Variants in KIF19 observed in about 807,000 individuals in gnomAD.
KIF19 encodes the protein kinesin-like protein KIF19.
A neutral mutation model predicts 106.6 loss-of-function variants in KIF19; 98 were observed. The ratio of observed to expected loss-of-function variants is 0.92; its 90% confidence interval spans 0.78 to 1.09. KIF19 has a LOEUF of 1.09. KIF19 is among the 50% of genes least tolerant of loss of function. The probability of loss-of-function intolerance (pLI) is 0.00; values close to 1 mark genes in which losing one functional copy is unlikely to be tolerated. For synonymous variants in KIF19, 516 were observed against 584.2 expected (o/e 0.88, Z 1.68); for missense variants, 1,373 against 1,414.3 (o/e 0.97, Z 0.47).
At position 74,353,019 on chromosome 17, in the gene KIF19, C is replaced by A. The variant is rs548306198; in HGVS notation, c.2114+65C>A. On this transcript the variant is annotated intron_variant, in intron 15 of 19. Transcript: ENST00000389916. Reference sequence around the variant, plus strand: ...CCTGTCCCAGAGAGGCCAACCCAGACTAAGGCTAAATGGGGAACACAGAGC... The same window carrying A: ...CCTGTCCCAGAGAGGCCAACCCAGAATAAGGCTAAATGGGGAACACAGAGC... 6.8e-4 allele frequency: 1,083 copies of A among 1,588,856 alleles called. 5 individuals carry two copies. Among genetic ancestry groups the A allele is most frequent in the Middle Eastern group, 2.2e-3 (13 of 6,016 alleles).
chr17:74,344,636 A>G, intron 6 of KIF19, 125 bp from the exon 7 acceptor site: 1 of 1,053,658 alleles, frequency 9.5e-7, no homozygotes. Context: ...AGCCCAGCCC[A>G]CTCCAGCCTG....
chr17:74,349,328 G>C lies in KIF19; in HGVS notation c.1192G>C (p.Gly398Arg). ...RGQARGRQDR[G>R]DIRHIQAEVQ... ...CCAGGCCCGGGGCCGGCAGGATCGG[G>C]GTGACATCCGCCACATCCAAGGTGC... Residue 398 changes from glycine to arginine, a missense_variant, in exon 10 of 20, where the codon GGT (glycine) becomes CGT (arginine). Physicochemically the swap from Gly to Arg is moderately radical, Grantham distance 125 (BLOSUM62 -2). This residue lies in a region of KIF19 where 1,020 missense variants were observed against 1,008.2 expected (regional missense o/e 1.01). Transcript: ENST00000389916. 7.5e-6 allele frequency: 12 copies of C among 1,604,612 alleles called. No homozygotes were observed. The highest frequency in any genetic ancestry group is 9.4e-6 in the Non-Finnish European group (11 of 1,175,840).
chr17:74,342,453 G>A (rs931899297), intron 3 of KIF19, among the ~76,000 whole-genome samples, 177 bp from the exon 4 acceptor site: 7 of 152,198 alleles, frequency 4.6e-5, no homozygotes, highest in Admixed American at 2.0e-4. Context: ...TCAGCCTGAC[G>A]TCCCCCACTG....
intron 7 of KIF19, among the ~76,000 whole-genome samples, chr17:74,345,213 T>C (rs1352645771): frequency 6.9e-6 from 1 of 145,382 alleles, no homozygotes; most frequent in Non-Finnish European, 1.5e-5. Context: ...TTGGGGGGAA[T>C]GGGGTAGGGC....
intron 6 of KIF19, 122 bp downstream of exon 6, chr17:74,344,470 G>A (rs889602838): frequency 6.9e-7 from 1 of 1,438,902 alleles, no homozygotes; most frequent in Non-Finnish European, 9.3e-7. Context: ...ACAGACAGGA[G>A]AATCCTGAGT....
Position 74,351,897 on chromosome 17 carries a change from C to T in KIF19, c.1618C>T (p.Arg540Cys). The T allele has an allele frequency of 5.0e-6, 7 of 1,412,172 alleles. No individual in the cohort carries two copies. In the South Asian group the frequency reaches 9.0e-5, roughly 18 times the overall value. 87.5% of individuals were successfully genotyped at this position (1,412,172 alleles called of 1,614,324 possible). A position where few individuals can be genotyped will look rare whatever the true frequency, so the allele number is the denominator to read the frequency against. ...LALEQRCRELRARGRRLEETL... is the reference protein window; with the variant it reads ...LALEQRCRELCARGRRLEETL... ...GCTGGAGCAGCGCTGCCGGGAGCTG[C>T]GCGCGCGGGGCCGGCGCCTGGAGGA... Residue 540 changes from arginine to cysteine, a missense_variant, in exon 13 of 20, where the codon CGC becomes TGC. By Grantham distance (180) the Arg-to-Cys change is radical. Around this residue, in one of 3 missense-constraint regions of KIF19, gnomAD observed 1,020 missense variants for 1,008.2 expected, o/e 1.01. Transcript: ENST00000389916.
rs1053473766 is a variant in KIF19, at chr17:74,349,314, G to A, written c.1178G>A (p.Gly393Asp). The A allele has an allele frequency of 5.0e-6, 8 of 1,609,254 alleles. No homozygotes were observed. The highest frequency in any genetic ancestry group is 4.4e-5 in the South Asian group (4 of 90,530). The change falls in exon 10 of 20, where the codon GGC becomes GAC. Residue 393 changes from glycine to aspartate, a missense_variant. Gly to Asp is a moderately conservative substitution (Grantham distance 94). Around this residue, in one of 3 missense-constraint regions of KIF19, gnomAD observed 1,020 missense variants for 1,008.2 expected, o/e 1.01. Coordinates refer to ENST00000389916, the MANE Select transcript of KIF19 (RefSeq NM_153209.4). ...DEQTGRGQAR[G>D]RQDRGDIRHI... is the part of the protein sequence containing the mutation. ...CAGACTGGGCGGGGCCAGGCCCGGG[G>A]CCGGCAGGATCGGGGTGACATCCGC...
chr17:74,349,435 A>T, intron 10 of KIF19, 86 bp downstream of exon 10: 1 of 1,371,104 alleles, frequency 7.3e-7, no homozygotes, highest in Non-Finnish European at 9.7e-7. Flanking sequence ...GTTCAAATCC[A>T]GAATCGGGCT....
rs2054772296 is a variant in KIF19 at position 74,353,290 on chromosome 17, G to C, written c.2209G>C (p.Val737Leu). 6.4e-7 allele frequency: 1 copy of C among 1,571,504 alleles called. No homozygotes were observed. Among genetic ancestry groups the C allele is most frequent in the Non-Finnish European group, 8.6e-7 (1 of 1,159,060 alleles). Residue 737 changes from valine to leucine, a missense_variant, in exon 16 of 20, where the codon GTG (valine) becomes CTG (leucine). Around this residue, in one of 3 missense-constraint regions of KIF19, gnomAD observed 1,020 missense variants for 1,008.2 expected, o/e 1.01. Transcript: ENST00000389916. The stretch of plus-strand genomic sequence containing the variant: ...ACCTCCCATCCAGCTCGGCAGCCTG[G>C]TGACGCAGGAGGTGAGCTCTCAGTA... Reference protein sequence around the residue: ...TPPPIQLGSLVTQEAPAQDSL... With the variant: ...TPPPIQLGSLLTQEAPAQDSL...
At position 74,326,389 on chromosome 17, in the gene KIF19, G is replaced by A. The variant is rs771347824; in HGVS notation, c.39+1G>A. 1 of 1,612,838 alleles carries A rather than the reference G, an allele frequency of 6.2e-7. No individual in the cohort carries two copies. Among genetic ancestry groups the A allele is most frequent in the Non-Finnish European group, 8.5e-7 (1 of 1,179,490 alleles). ...GGACTCCAAGGACCAGCAACTCATG[G>A]TGAGACCCTTTTAGACCCTCCTCCC... On this transcript the variant is annotated splice_donor_variant, in intron 1 of 19. Coordinates refer to ENST00000389916, the MANE Select transcript of KIF19 (RefSeq NM_153209.4). LOFTEE classifies it high-confidence loss of function.
chr17:74,350,804 G>T lies in KIF19; in HGVS notation c.1486G>T (p.Gly496Cys), dbSNP rs780265415. 6.2e-7 allele frequency: 1 copy of T among 1,614,056 alleles called. No individual in the cohort carries two copies. The highest frequency in any genetic ancestry group is 1.1e-5 in the South Asian group (1 of 91,084). The stretch of plus-strand genomic sequence containing the variant: ...CGACAGCGAGAAGGACTCAGACACA[G>T]GTGATGACCAACCAGACATCCTGGA... ...KDDSEKDSDT[G>C]DDQPDILEPP... is the part of the protein sequence containing the mutation. Residue 496 changes from glycine to cysteine, a missense_variant, in exon 12 of 20, where the codon GGT becomes TGT. Gly to Cys is a radical substitution (Grantham distance 159). This residue lies in a region of KIF19 where 1,020 missense variants were observed against 1,008.2 expected (regional missense o/e 1.01). Transcript: ENST00000389916.
At chr17:74,352,478 CT>C in intron 14 of KIF19, 138 bp downstream of exon 14, 1 of 1,146,562 alleles carries the variant, frequency 8.7e-7, no homozygotes, top group Non-Finnish European at 1.2e-6. Context: ...CCCTTTCCTT[CT>C]TACCCCACCC....
At chr17:74,338,172 A>G (rs1252150768) in intron 2 of KIF19, among the ~76,000 whole-genome samples, 5 of 152,244 alleles carry the variant, frequency 3.3e-5, no homozygotes, top group Non-Finnish European at 7.3e-5. Context: ...GGTGCTCCTC[A>G]GGCCACTGGT....
Position 74,353,274 on chromosome 17 carries a change from C to G in KIF19, c.2193C>G (p.Ile731Met), listed in dbSNP as rs992700455. Residue 731 changes from isoleucine to methionine, a missense_variant, in exon 16 of 20, where the codon ATC (isoleucine) becomes ATG (methionine). By Grantham distance (10) the Ile-to-Met change is conservative. Coordinates refer to ENST00000389916, the MANE Select transcript of KIF19 (RefSeq NM_153209.4). ...KSSSVPTPPP[I>M]QLGSLVTQEA... is the part of the protein sequence containing the mutation. The stretch of plus-strand genomic sequence containing the variant: ...CCTCTGTGCCCACCCCACCTCCCAT[C>G]CAGCTCGGCAGCCTGGTGACGCAGG... 1.2e-5 allele frequency: 19 copies of G among 1,577,648 alleles called. No homozygotes were observed. Among genetic ancestry groups the G allele is most frequent in the Admixed American group, 1.8e-5 (1 of 54,438 alleles).
At chr17:74,336,626 G>A (rs796183435) in intron 2 of KIF19, among the ~76,000 whole-genome samples, 4 of 152,238 alleles carry the variant, frequency 2.6e-5, no homozygotes, top group Non-Finnish European at 4.4e-5. Flanking sequence ...TCTAACAAGC[G>A]GGTACTCCCC....
At chr17:74,342,553 A>C in intron 3 of KIF19, 77 bp from the exon 4 acceptor site, 1 of 1,088,528 alleles carries the variant, frequency 9.2e-7, no homozygotes, top group Non-Finnish European at 1.4e-6. Context: ...CTCCTATCAG[A>C]GGTCAGGAAG....
chr17:74,352,174 G>C (rs748447898), intron 13 of KIF19, 37 bp downstream of exon 13: 3 of 1,583,892 alleles, frequency 1.9e-6, no homozygotes, highest in Admixed American at 1.8e-5. Flanking sequence ...AGCCACCCGC[G>C]GGGGGGCCGC....
At chr17:74,348,954 A>G (rs1013319418) in intron 9 of KIF19, 2 of 561,880 alleles carry the variant, frequency 3.6e-6, no homozygotes, top group Non-Finnish European at 6.3e-6. Context: ...TGGCCCTTCA[A>G]CAACGGGTGG....
At position 74,347,911 on chromosome 17, in the gene KIF19, T is replaced by C; in HGVS notation, c.1047+12T>C. On this transcript the variant is annotated intron_variant, in intron 9 of 19. Coordinates refer to ENST00000389916, the MANE Select transcript of KIF19 (RefSeq NM_153209.4). ...ACATTAAGACTAGGGTGAGGGCCCC[T>C]GGACCGTCCACCAGGACACACCTTC... 6.4e-7 allele frequency: 1 copy of C among 1,572,272 alleles called. No homozygotes were observed. Among genetic ancestry groups the C allele is most frequent in the Non-Finnish European group, 8.6e-7 (1 of 1,159,718 alleles).
Sources: allele counts gnomAD v4.1 joint callset (sites outside exome capture counted in the v4.1 genomes callset), GRCh38; gene constraint gnomAD v4.1.1; regional missense constraint gnomAD v4.1.1; transcripts MANE v1.5; gene names NCBI Gene and HGNC (gene_info 2026-07-23, HGNC 2026-07-21).